NAV3: variants seen among roughly 807,000 people sequenced by gnomAD.
NAV3 encodes the protein pore membrane and/or filament interacting like protein 1.
In NAV3, 87 loss-of-function variants were observed where a neutral mutation model predicts 244.7. That is an observed-to-expected ratio of 0.36 (90% CI 0.30 to 0.42). The LOEUF (loss-of-function observed/expected upper bound fraction) is 0.42, where lower values mean the gene tolerates loss of function less well. Among genes scored for constraint, NAV3 ranks in the 20% least tolerant of loss-of-function variants. NAV3 has a pLI of 1.00. For missense variants in NAV3, 2,663 were observed against 2,893.3 expected (o/e 0.92, Z 1.83); for synonymous variants, 1,126 against 1,042.2 (o/e 1.08, Z -1.55).
At chr12:78,198,066 G>T (rs189863309) in intron 35 of NAV3, among the ~76,000 whole-genome samples, 2 of 151,746 alleles carry the variant, frequency 1.3e-5, no homozygotes, top group Non-Finnish European at 2.9e-5. Flanking sequence ...ATTCATTGTG[G>T]CATGGCCTCT....
intron 1 of NAV3, among the ~76,000 whole-genome samples, chr12:77,868,576 T>G (rs967852830): frequency 6.6e-6 from 1 of 151,396 alleles, no homozygotes; most frequent in African/African-American, 2.4e-5. Context: ...GCCAACATGG[T>G]GAAACCCCAT....
chr12:77,771,133 C>T (rs1408109152), intron 2 of NAV3, among the ~76,000 whole-genome samples: 1 of 152,162 alleles, frequency 6.6e-6, no homozygotes, highest in Non-Finnish European at 1.5e-5. Flanking sequence ...CAAAAGAAGA[C>T]ATTTATGCAG....
chr12:77,740,868 A>G (rs1868315927), intron 2 of NAV3, among the ~76,000 whole-genome samples: 1 of 152,076 alleles, frequency 6.6e-6, no homozygotes, highest in Non-Finnish European at 1.5e-5. Flanking sequence ...AGAGGCAAAG[A>G]CAAAGACAGC....
At chr12:77,688,493 A>T (rs1874861751) in intron 2 of NAV3, among the ~76,000 whole-genome samples, 1 of 152,006 alleles carries the variant, frequency 6.6e-6, no homozygotes, top group Non-Finnish European at 1.5e-5. Context: ...TCTAGGGACA[A>T]AATAATAGTA....
intron 1 of NAV3, among the ~76,000 whole-genome samples, chr12:77,875,723 A>G (rs1268083047): frequency 6.6e-6 from 1 of 152,104 alleles, no homozygotes; most frequent in Admixed American, 6.6e-5. Context: ...TGTAAATAGA[A>G]TGCTAGGTTA....
intron 15 of NAV3, among the ~76,000 whole-genome samples, chr12:78,120,994 G>A (rs187716884): frequency 1.3e-5 from 2 of 152,216 alleles, no homozygotes; most frequent in African/African-American, 4.8e-5. Flanking sequence ...GATTCTCATT[G>A]GGAAGAATGA....
At chr12:77,732,492 A>G (rs1877166538) in intron 2 of NAV3, among the ~76,000 whole-genome samples, 1 of 151,972 alleles carries the variant, frequency 6.6e-6, no homozygotes, top group Admixed American at 6.6e-5. Flanking sequence ...ACTCCCAAAA[A>G]CAGATAGAAT....
At chr12:77,633,222 A>G (rs1167394370) in intron 2 of NAV3, among the ~76,000 whole-genome samples, 8 of 152,100 alleles carry the variant, frequency 5.3e-5, no homozygotes, top group Admixed American at 1.3e-4. Flanking sequence ...TGCAACTATA[A>G]TACTCCTGTA....
intron 2 of NAV3, among the ~76,000 whole-genome samples, chr12:77,739,786 G>A (rs1231895631): frequency 1.3e-5 from 2 of 152,050 alleles, no homozygotes; most frequent in Admixed American, 6.6e-5. Flanking sequence ...ATACTAAATT[G>A]GAATAATGTC....
At chr12:77,860,303 A>G (rs1347678307) in intron 1 of NAV3, among the ~76,000 whole-genome samples, 3 of 150,224 alleles carry the variant, frequency 2.0e-5, no homozygotes, top group Non-Finnish European at 4.4e-5. Context: ...TATATAATAT[A>G]TACATATATA....
At chr12:77,710,849 T>C (rs1424259550) in intron 2 of NAV3, among the ~76,000 whole-genome samples, 1 of 152,210 alleles carries the variant, frequency 6.6e-6, no homozygotes, top group Non-Finnish European at 1.5e-5. Context: ...AATGAACTAA[T>C]CTATTTGGCA....
chr12:77,585,529 G>A (rs560353068), intron 2 of NAV3, among the ~76,000 whole-genome samples: 2,248 of 152,250 alleles, frequency 0.015, 58 homozygotes, highest in African/African-American at 0.052. Context: ...ATAGGACGGG[G>A]GAAGGGTATC....
At chr12:78,197,512 T>C in intron 35 of NAV3, 111 bp downstream of exon 35, 1 of 744,668 alleles carries the variant, frequency 1.3e-6, no homozygotes, top group Non-Finnish European at 2.0e-6. Flanking sequence ...ATTTTTATTT[T>C]TTAAATTGAC....
In NAV3 at chr12:78,046,784, T is replaced by C. The variant is rs1317012242; in HGVS notation, c.2024-3209T>C. ...GAGTTGAGTTCAAGTCCTGAATATCTTTGTTAATTTTCTGTCTCATTGATC... is the reference window on the plus strand; with the variant it reads ...GAGTTGAGTTCAAGTCCTGAATATCCTTGTTAATTTTCTGTCTCATTGATC... On this transcript the variant is annotated intron_variant, in intron 9 of 39. Coordinates refer to ENST00000397909, the MANE Select transcript of NAV3 (RefSeq NM_001024383.2). Among the ~76,000 whole-genome samples, 3 of 152,128 alleles carry C rather than the reference T, an allele frequency of 2.0e-5. No individual in the cohort carries two copies. The East Asian group carries it at 5.8e-4, about 29-fold the overall frequency.
intron 6 of NAV3, among the ~76,000 whole-genome samples, chr12:77,997,414 A>C (rs1872546625): frequency 6.6e-6 from 1 of 152,160 alleles, no homozygotes; most frequent in South Asian, 2.1e-4. Context: ...TTAAAGTGGA[A>C]ATTGTTTAAG....
chr12:77,652,503 A>G (rs1420529787), intron 2 of NAV3, among the ~76,000 whole-genome samples: 4 of 152,216 alleles, frequency 2.6e-5, no homozygotes, highest in African/African-American at 9.6e-5. Flanking sequence ...ATAAAGATGT[A>G]AACAACTGAC....
At chr12:78,036,883 T>A (rs1879973007) in intron 9 of NAV3, 1 of 698,478 alleles carries the variant, frequency 1.4e-6, no homozygotes, top group Non-Finnish European at 2.6e-6. Flanking sequence ...CCTGCTGAAC[T>A]CTCTGTGTTC....
chr12:78,183,957 G>C (rs1403825032), intron 30 of NAV3, among the ~76,000 whole-genome samples: 1 of 151,632 alleles, frequency 6.6e-6, no homozygotes, highest in Non-Finnish European at 1.5e-5. Context: ...TGTTTTTGTT[G>C]ACTGAATCTT....
At chr12:77,966,342 T>G (rs375717981) in intron 4 of NAV3, 41 bp downstream of exon 4, 1 of 1,492,730 alleles carries the variant, frequency 6.7e-7, no homozygotes, top group South Asian at 1.2e-5. Flanking sequence ...ATGGCATCAA[T>G]GTTTTTAAAT....
Sources: gnomAD v4.1 joint callset for allele counts (sites outside exome capture counted in the v4.1 genomes callset) on GRCh38, gnomAD v4.1.1 for gene constraint, MANE v1.5 for transcripts, NCBI Gene and HGNC (gene_info 2026-07-23, HGNC 2026-07-21) for gene names.